PLXNA4: variants seen among roughly 807,000 people sequenced by gnomAD.
PLXNA4 encodes the protein plexin A4, also known as plexin-A4.
A neutral mutation model predicts 191.8 loss-of-function variants in PLXNA4; 44 were observed. The observed-to-expected ratio is 0.23, with a 90% CI of 0.18 to 0.29. PLXNA4 has a LOEUF of 0.29. PLXNA4 is among the 10% of genes least tolerant of loss of function. The probability of loss-of-function intolerance (pLI) is 1.00; values close to 1 mark genes in which losing one functional copy is unlikely to be tolerated. For missense variants in PLXNA4, 1,800 were observed against 2,488.8 expected, an observed-to-expected ratio of 0.72 and a Z score of 5.89; for synonymous variants, 1,082 against 1,009.5, an observed-to-expected ratio of 1.07 and a Z score of -1.36.
intron 2 of PLXNA4, among the ~76,000 whole-genome samples, chr7:132,601,400 T>C (rs1029884642): frequency 6.6e-6 from 1 of 152,076 alleles, no homozygotes; most frequent in Non-Finnish European, 1.5e-5. Flanking sequence ...CACACAACCA[T>C]CTGAAATAAA....
At chr7:132,132,488 C>T (rs62469698) in intron 31 of PLXNA4, among the ~76,000 whole-genome samples, 31,510 of 79,604 alleles carry the variant, frequency 0.4, 8,102 homozygotes, top group East Asian at 0.48. Context: ...CTCTGCTCTG[C>T]TCTATTCTTT....
rs905717315 is a variant in PLXNA4 at position 132,191,141 on chromosome 7, A to G, written c.2856+2921T>C. On this transcript the variant is annotated intron_variant, in intron 14 of 31. Coordinates refer to ENST00000321063, the MANE Select transcript of PLXNA4 (RefSeq NM_020911.2). ...CAGAGGAGCCTGGGCAATGTTTTAC[A>G]GGGAGGGGGAGCCTTGGCTCTTCTT... Among the ~76,000 whole-genome samples, 4 of 152,226 alleles carry G rather than the reference A, an allele frequency of 2.6e-5. No homozygotes were observed. The East Asian group carries it at 7.7e-4, about 29-fold the overall frequency.
intron 3 of PLXNA4, among the ~76,000 whole-genome samples, chr7:132,466,163 A>T (rs1166686433): frequency 1.3e-5 from 2 of 152,178 alleles, no homozygotes; most frequent in East Asian, 3.9e-4. Context: ...AAGATCTTAG[A>T]GCAAGAAGGA....
intron 2 of PLXNA4, among the ~76,000 whole-genome samples, chr7:132,590,284 A>T (rs1802583073): frequency 6.6e-6 from 1 of 152,222 alleles, no homozygotes; most frequent in Non-Finnish European, 1.5e-5. Context: ...GTCAGTTAGG[A>T]AGGCCTTTGT....
intron 3 of PLXNA4, among the ~76,000 whole-genome samples, chr7:132,360,668 A>G (rs562927503): frequency 1.6e-4 from 24 of 152,286 alleles, no homozygotes; most frequent in Non-Finnish European, 1.5e-5. Context: ...CAAACCCCCC[A>G]TAGAGTTGTT....
chr7:132,610,051 C>G (rs1803016455), intron 2 of PLXNA4, among the ~76,000 whole-genome samples: 1 of 152,234 alleles, frequency 6.6e-6, no homozygotes, highest in Non-Finnish European at 1.5e-5. Flanking sequence ...ATGCCCAGCT[C>G]TCTTCACAAG....
intron 10 of PLXNA4, among the ~76,000 whole-genome samples, chr7:132,205,516 T>C (rs55897680): frequency 6.7e-6 from 1 of 150,160 alleles, no homozygotes; most frequent in South Asian, 2.1e-4. Context: ...TGTGTGTGTG[T>C]GAGAGAGAGA....
intron 1 of PLXNA4, among the ~76,000 whole-genome samples, chr7:132,549,203 C>T (rs934410599): frequency 5.9e-5 from 9 of 152,126 alleles, no homozygotes; most frequent in East Asian, 1.9e-4. Flanking sequence ...AATAAACTTG[C>T]GTTTGCTTTA....
chr7:132,164,394 C>T, intron 23 of PLXNA4, 106 bp from the exon 24 acceptor site: 1 of 1,446,372 alleles, frequency 6.9e-7, no homozygotes, highest in Non-Finnish European at 9.2e-7. Context: ...CAAGTCCCTG[C>T]ACCTGCCCCC....
chr7:132,140,933 C>G, intron 29 of PLXNA4, 122 bp from the exon 30 acceptor site: 2 of 1,475,454 alleles, frequency 1.4e-6, no homozygotes. Context: ...AGAGCCTTCT[C>G]TATGCTGCGG....
At chr7:132,235,914 G>A (rs1244789946) in intron 5 of PLXNA4, among the ~76,000 whole-genome samples, 2 of 152,164 alleles carry the variant, frequency 1.3e-5, no homozygotes, top group Non-Finnish European at 2.9e-5. Context: ...GAATGAGTCA[G>A]CTCAGGAACA....
intron 27 of PLXNA4, 27 bp from the exon 28 acceptor site, chr7:132,146,727 C>A (rs1415953824): frequency 1.2e-6 from 2 of 1,612,118 alleles, no homozygotes; most frequent in Non-Finnish European, 1.7e-6. Flanking sequence ...CACCCCCCGA[C>A]ATATGTGAGG....
intron 2 of PLXNA4, among the ~76,000 whole-genome samples, chr7:132,595,860 A>T (rs1336858022): frequency 3.3e-5 from 5 of 152,216 alleles, no homozygotes; most frequent in Non-Finnish European, 5.9e-5. Flanking sequence ...AGACATCATG[A>T]AATTTCACTT....
chr7:132,370,085 A>G (rs905345486), intron 3 of PLXNA4, among the ~76,000 whole-genome samples: 121 of 139,016 alleles, frequency 8.7e-4, no homozygotes, highest in East Asian at 1.3e-3. Context: ...AAAAAAAAAA[A>G]GGTATGCAGT....
chr7:132,203,271 T>C, intron 11 of PLXNA4, 52 bp downstream of exon 11: 2 of 1,528,378 alleles, frequency 1.3e-6, no homozygotes, highest in South Asian at 1.1e-5. Context: ...TCCTTCCCTC[T>C]CTACCCCATC....
Position 132,223,592 on chromosome 7 carries a change from G to A in PLXNA4, c.2032C>T (p.Arg678Trp), listed in dbSNP as rs767480923. 1.1e-5 allele frequency: 17 copies of A among 1,613,814 alleles called. No individual in the cohort carries two copies. The highest frequency in any genetic ancestry group is 1.4e-5 in the Non-Finnish European group (17 of 1,179,912). ...TTGGGGTCATGGGTGCAGACATGCC[G>A]GTATTTACACCAGTGGCAGCGGTAT... The part of the protein sequence containing the change: ...SPYRCHWCKY[R>W]HVCTHDPKTC... Residue 678 changes from arginine to tryptophan, a missense_variant, in exon 9 of 32, where the codon CGG becomes TGG. Physicochemically the swap from Arg to Trp is moderately radical, Grantham distance 101. Transcript: ENST00000321063.
rs1797509558 is a variant in PLXNA4, at chr7:132,203,442, G to A, written c.2299-23C>T. The A allele has an allele frequency of 1.2e-5, 19 of 1,603,164 alleles. No homozygotes were observed. The East Asian group carries it at 4.0e-4, about 34-fold the overall frequency. Reference sequence around the variant, plus strand: ...ATACTGCAGCCAGGTCGGGGAGGAGGAAAGAAGAAAGTGGGGTCACAGAGA... The same window carrying A: ...ATACTGCAGCCAGGTCGGGGAGGAGAAAAGAAGAAAGTGGGGTCACAGAGA... On this transcript the variant is annotated intron_variant, in intron 10 of 31. Transcript: ENST00000321063.
chr7:132,626,554 T>C (rs764737253), intron 2 of PLXNA4, among the ~76,000 whole-genome samples: 14 of 152,142 alleles, frequency 9.2e-5, no homozygotes, highest in Non-Finnish European at 1.6e-4. Context: ...CATTTAAAAG[T>C]GTGCAGCATC....
Position 132,125,366 on chromosome 7 carries a change from C to A in PLXNA4, c.*5113G>T, listed in dbSNP as rs1256603168. On this transcript the variant is annotated 3_prime_UTR_variant, in exon 32 of 32. Transcript: ENST00000321063. ...GAATAGCAGCAGCCATGTGAGATGC[C>A]ACCCCTAGCATTGTCCTCATCCAGG... 6.6e-6 allele frequency: 1 copy of A among 152,098 alleles called. No homozygotes were observed. Among genetic ancestry groups the A allele is most frequent in the Admixed American group, 6.5e-5 (1 of 15,276 alleles). 9.4% of individuals were successfully genotyped at this position (152,098 alleles called of 1,614,324 possible).
Sources: gnomAD v4.1 joint callset for allele counts (sites outside exome capture counted in the v4.1 genomes callset) on GRCh38, gnomAD v4.1.1 for gene constraint, MANE v1.5 for transcripts, NCBI Gene and HGNC (gene_info 2026-07-23, HGNC 2026-07-21) for gene names.